Variants in ACSS3 observed in about 807,000 individuals in gnomAD.
The protein encoded by ACSS3 is acyl-CoA synthetase short-chain family member 3, mitochondrial.
A neutral mutation model predicts 84.2 loss-of-function variants in ACSS3; 64 were observed. The observed-to-expected ratio is 0.76, with a 90% CI of 0.62 to 0.94. ACSS3 has a LOEUF of 0.94. Ranked by LOEUF, ACSS3 falls within the 40% of genes least tolerant of loss-of-function variation. The probability of loss-of-function intolerance (pLI) is 0.00; values close to 1 mark genes in which losing one functional copy is unlikely to be tolerated. For missense variants in ACSS3, 815 were observed against 867.6 expected (o/e 0.94, Z 0.76); for synonymous variants, 317 against 310.1 (o/e 1.02, Z -0.23).
intron 11 of ACSS3, among the ~76,000 whole-genome samples, chr12:81,224,561 T>C (rs1361453698): frequency 1.9e-4 from 21 of 110,570 alleles, no homozygotes; most frequent in South Asian, 2.9e-4. Context: ...CATATATATA[T>C]ACACACACAC....
chr12:81,235,394 T>C (rs901467869), intron 13 of ACSS3, among the ~76,000 whole-genome samples: 1 of 151,242 alleles, frequency 6.6e-6, no homozygotes, highest in Admixed American at 6.6e-5. Context: ...AGCTATGTAG[T>C]GTATCTTAGA....
chr12:81,229,515 TAAAAC>T (rs1256239994), intron 11 of ACSS3, among the ~76,000 whole-genome samples: 2 of 151,912 alleles, frequency 1.3e-5, no homozygotes, highest in Non-Finnish European at 1.5e-5. Flanking sequence ...TATTAACAAT[TAAAAC>T]AAACTGATGT....
At chr12:81,092,149 GT>G (rs1306344648) in intron 1 of ACSS3, among the ~76,000 whole-genome samples, 1 of 151,854 alleles carries the variant, frequency 6.6e-6, no homozygotes, top group East Asian at 1.9e-4. Context: ...GTTTTATTTT[GT>G]TTTTTAGCCC....
intron 2 of ACSS3, among the ~76,000 whole-genome samples, chr12:81,122,864 C>T (rs1884747437): frequency 6.6e-6 from 1 of 152,010 alleles, no homozygotes; most frequent in East Asian, 1.9e-4. Flanking sequence ...TTTACAAATA[C>T]TCTAGGAAGC....
intron 10 of ACSS3, 133 bp from the exon 11 acceptor site, chr12:81,219,880 T>C: frequency 2.2e-6 from 1 of 463,222 alleles, no homozygotes. Context: ...TTTATATTTG[T>C]TCATGGTCTC....
rs547577803 is a variant in ACSS3, at chr12:81,217,425, A to G, written c.1450+429A>G. On this transcript the variant is annotated intron_variant, in intron 10 of 15. Transcript: ENST00000548058. The stretch of plus-strand genomic sequence containing the variant: ...CACTGCTGGTTAGATCCTGGGGACA[A>G]TGCAAACCATTGTCCTCAGAATTTG... 9.0e-4 allele frequency among the ~76,000 whole-genome samples: 137 copies of G among 152,310 alleles called. 1 individual carries two copies. The highest frequency in any genetic ancestry group is 3.1e-3 in the African/African-American group (130 of 41,574).
At chr12:81,225,238 C>T (rs1178640633) in intron 11 of ACSS3, among the ~76,000 whole-genome samples, 3 of 151,544 alleles carry the variant, frequency 2.0e-5, no homozygotes, top group African/African-American at 7.3e-5. Flanking sequence ...TTTCTTCTCC[C>T]CTTTTCTTTA....
chr12:81,123,446 A>AT (rs746455099), intron 2 of ACSS3, among the ~76,000 whole-genome samples: 6 of 152,150 alleles, frequency 3.9e-5, no homozygotes, highest in Non-Finnish European at 8.8e-5. Context: ...GATAGCATGC[A>AT]TTTTTAGACA....
At chr12:81,221,299 C>A (rs1341101399) in intron 11 of ACSS3, among the ~76,000 whole-genome samples, 1 of 151,932 alleles carries the variant, frequency 6.6e-6, no homozygotes, top group Admixed American at 6.6e-5. Flanking sequence ...CCAGATTGAG[C>A]TACTATAAAT....
At chr12:81,182,201 A>G (rs764449667) in intron 8 of ACSS3, among the ~76,000 whole-genome samples, 11 of 152,214 alleles carry the variant, frequency 7.2e-5, no homozygotes, top group Non-Finnish European at 1.3e-4. Flanking sequence ...ACATTAGCAG[A>G]TTTCTCAGTA....
intron 1 of ACSS3, among the ~76,000 whole-genome samples, chr12:81,091,713 G>T (rs936538482): frequency 2.6e-5 from 4 of 151,990 alleles, no homozygotes; most frequent in Admixed American, 1.3e-4. Context: ...GATGGAAATC[G>T]TATAATACCA....
intron 1 of ACSS3, among the ~76,000 whole-genome samples, chr12:81,098,594 T>TGCA (rs2121397079): frequency 1.3e-5 from 2 of 152,318 alleles, no homozygotes; most frequent in South Asian, 4.1e-4. Context: ...GTGAGTTAAT[T>TGCA]TGTGTTAAAT....
intron 7 of ACSS3, among the ~76,000 whole-genome samples, chr12:81,171,396 T>C (rs565250214): frequency 1.3e-5 from 2 of 152,240 alleles, no homozygotes; most frequent in South Asian, 2.1e-4. Flanking sequence ...TGACATTGAA[T>C]AGAAGGTCTT....
chr12:81,251,662 T>TCTC lies in ACSS3; in HGVS notation c.1720-1644_1720-1642dup, dbSNP rs545725907. The stretch of plus-strand genomic sequence containing the variant: ...GCCTAGGGAACATGGCGAAACCCCA[T>TCTC]CTCTACAAAAAAAAAAAAAAAATAC... On this transcript the variant is annotated intron_variant, in intron 13 of 15. Transcript: ENST00000548058. 3.4e-3 allele frequency among the ~76,000 whole-genome samples: 110 copies of TCTC among 32,596 alleles called. 1 individual carries two copies. The highest frequency in any genetic ancestry group is 8.4e-3 in the African/African-American group (108 of 12,866). The allele number at this position is 32,596 out of a possible 152,430, so 21.4% of individuals were successfully genotyped here.
At chr12:81,160,612 T>C (rs1023267908) in intron 7 of ACSS3, among the ~76,000 whole-genome samples, 1 of 152,358 alleles carries the variant, frequency 6.6e-6, no homozygotes. Flanking sequence ...ACTGTCTCAA[T>C]TTTCACTTTT....
chr12:81,128,300 C>T (rs117695589), intron 2 of ACSS3, among the ~76,000 whole-genome samples: 1 of 152,128 alleles, frequency 6.6e-6, no homozygotes, highest in East Asian at 1.9e-4. Context: ...TAAATTGAAC[C>T]AATGACAGGA....
At chr12:81,083,831 G>A (rs1881148084) in intron 1 of ACSS3, among the ~76,000 whole-genome samples, 2 of 152,102 alleles carry the variant, frequency 1.3e-5, no homozygotes, top group South Asian at 4.1e-4. Flanking sequence ...TTAGCTGGAT[G>A]TGGTGGCACA....
At chr12:81,113,010 T>C (rs1883734808) in intron 2 of ACSS3, among the ~76,000 whole-genome samples, 1 of 152,152 alleles carries the variant, frequency 6.6e-6, no homozygotes, top group African/African-American at 2.4e-5. Context: ...ATTAAGGTTT[T>C]TGTACAGAGA....
intron 9 of ACSS3, among the ~76,000 whole-genome samples, chr12:81,210,272 G>T (rs1821848400): frequency 6.6e-6 from 1 of 152,088 alleles, no homozygotes; most frequent in Non-Finnish European, 1.5e-5. Flanking sequence ...GGCTGAATGG[G>T]GTGATGATAT....
Sources: gnomAD v4.1 joint callset for allele counts (sites outside exome capture counted in the v4.1 genomes callset) on GRCh38, gnomAD v4.1.1 for gene constraint, MANE v1.5 for transcripts, NCBI Gene and HGNC (gene_info 2026-07-23, HGNC 2026-07-21) for gene names.